The following PLXNA2 variants were observed in gnomAD, a reference collection of about 807,000 sequenced individuals.
The protein encoded by PLXNA2 is plexin A2.
PLXNA2 carries 91 observed loss-of-function variants against 193.5 expected under a neutral mutation model. The observed-to-expected ratio is 0.47, with a 90% confidence interval of 0.40 to 0.56. PLXNA2 has a LOEUF of 0.56. Among genes scored for constraint, PLXNA2 ranks in the 20% least tolerant of loss-of-function variants. The pLI is 0.00. For missense variants in PLXNA2, 1,995 were observed against 2,503.2 expected, an observed-to-expected ratio of 0.80 and a Z score of 4.33; for synonymous variants, 997 against 1,027.3, an observed-to-expected ratio of 0.97 and a Z score of 0.56.
intron 12 of PLXNA2, among the ~76,000 whole-genome samples, chr1:208,065,250 A>G (rs1407698207): frequency 2.0e-5 from 3 of 152,202 alleles, no homozygotes; most frequent in Non-Finnish European, 2.9e-5. Context: ...AGATAGCTCT[A>G]TGCTGCTGGC....
chr1:208,058,378 G>A (rs1665509349), intron 13 of PLXNA2, among the ~76,000 whole-genome samples: 1 of 152,232 alleles, frequency 6.6e-6, no homozygotes, highest in African/African-American at 2.4e-5. Flanking sequence ...TAATTGCTGA[G>A]TGATAGATGG....
At position 208,079,384 on chromosome 1, in the gene PLXNA2, A is replaced by T. The variant is rs1362547367; in HGVS notation, c.2462T>A (p.Phe821Tyr). 6.2e-7 allele frequency: 1 copy of T among 1,613,672 alleles called. No individual in the cohort carries two copies. Among genetic ancestry groups the T allele is most frequent in the African/African-American group, 1.3e-5 (1 of 74,906 alleles). The change falls in exon 12 of 32, where the codon TTT (phenylalanine) becomes TAT (tyrosine). Residue 821 changes from phenylalanine to tyrosine, a missense_variant. This residue lies in a region of PLXNA2 where 1,291 missense variants were observed against 1,673.6 expected (regional missense o/e 0.77). Transcript: ENST00000367033. ...CGLCLKADRK[F>Y]ECGWCSGERR... ...CTCGCCGCTGCACCAGCCACACTCA[A>T]ACTTCCGGTCGGCCTTGAGGCAGAG... is the stretch of plus-strand genomic sequence containing the variant.
chr1:208,054,606 C>A, intron 13 of PLXNA2, 68 bp from the exon 14 acceptor site: 1 of 1,058,380 alleles, frequency 9.4e-7, no homozygotes, highest in Non-Finnish European at 1.5e-6. Flanking sequence ...ACTTGCTCTC[C>A]CAGTCATGGC....
chr1:208,157,348 T>A (rs1668969403), intron 3 of PLXNA2, among the ~76,000 whole-genome samples: 1 of 152,358 alleles, frequency 6.6e-6, no homozygotes, highest in East Asian at 1.9e-4. Context: ...TTATTGTAAG[T>A]CATCTTAATT....
chr1:208,188,095 G>A (rs983180982), intron 3 of PLXNA2, among the ~76,000 whole-genome samples: 6 of 152,168 alleles, frequency 3.9e-5, no homozygotes, highest in African/African-American at 1.4e-4. Context: ...ATATTTATGA[G>A]AATGGAGCCC....
chr1:208,153,228 C>G (rs1668826574), intron 3 of PLXNA2, among the ~76,000 whole-genome samples: 1 of 152,144 alleles, frequency 6.6e-6, no homozygotes, highest in South Asian at 2.1e-4. Flanking sequence ...AGGCTTTATG[C>G]ACATTTTCTC....
chr1:208,141,136 T>G (rs867905487), intron 4 of PLXNA2, among the ~76,000 whole-genome samples: 1 of 152,216 alleles, frequency 6.6e-6, no homozygotes, highest in African/African-American at 2.4e-5. Context: ...CTGGATATAA[T>G]TGGCATGCAA....
chr1:208,208,988 G>A (rs555806357), intron 3 of PLXNA2, among the ~76,000 whole-genome samples: 41 of 152,270 alleles, frequency 2.7e-4, no homozygotes, highest in African/African-American at 9.6e-4. Flanking sequence ...ATTTCACACA[G>A]CAACTCCTTC....
At chr1:208,048,583 C>A (rs987191434) in intron 17 of PLXNA2, among the ~76,000 whole-genome samples, 1 of 152,128 alleles carries the variant, frequency 6.6e-6, no homozygotes, top group East Asian at 1.9e-4. Flanking sequence ...CTGGAGGAAG[C>A]GCTGAGAACA....
chr1:208,180,001 C>T (rs993783027), intron 3 of PLXNA2, among the ~76,000 whole-genome samples: 3 of 152,144 alleles, frequency 2.0e-5, no homozygotes, highest in African/African-American at 7.2e-5. Flanking sequence ...AGCCCTGGGT[C>T]TCTCCCCTCT....
chr1:208,240,897 G>C (rs530727378), intron 1 of PLXNA2, among the ~76,000 whole-genome samples: 2 of 152,220 alleles, frequency 1.3e-5, no homozygotes, highest in Non-Finnish European at 2.9e-5. Context: ...GTGGTGGTGG[G>C]GAGGTGCTGC....
intron 26 of PLXNA2, among the ~76,000 whole-genome samples, chr1:208,037,657 G>A (rs1304976769): frequency 1.3e-5 from 2 of 152,088 alleles, no homozygotes; most frequent in African/African-American, 2.4e-5. Flanking sequence ...CCCCAGCTGC[G>A]AGTGGTTACC....
intron 3 of PLXNA2, among the ~76,000 whole-genome samples, chr1:208,199,451 G>T (rs1670466824): frequency 6.6e-6 from 1 of 152,202 alleles, no homozygotes; most frequent in Non-Finnish European, 1.5e-5. Context: ...CCAGCACTTT[G>T]GGGGGCCAAG....
chr1:208,136,068 A>G (rs1267005513), intron 4 of PLXNA2, among the ~76,000 whole-genome samples: 2 of 152,174 alleles, frequency 1.3e-5, no homozygotes, highest in East Asian at 3.8e-4. Context: ...CACTGTGGTC[A>G]ACAGTCCCAA....
chr1:208,022,978 C>G lies in PLXNA2; in HGVS notation c.*4265G>C, dbSNP rs1664229747. On this transcript the variant is annotated 3_prime_UTR_variant, in exon 32 of 32. Transcript: ENST00000367033. ...ATACCAAGAGTGAAACTTTATCCCT[C>G]ATTCATGGGGATCACTGAGCTCCAG... The G allele has an allele frequency of 6.6e-6, 1 of 152,164 alleles. No homozygotes were observed. The highest frequency in any genetic ancestry group is 2.4e-5 in the African/African-American group (1 of 41,452). 9.4% of individuals were successfully genotyped at this position (152,164 alleles called of 1,614,324 possible). A position where few individuals can be genotyped will look rare whatever the true frequency, so the allele number is the denominator to read the frequency against.
chr1:208,039,037 A>G (rs1664769039), intron 24 of PLXNA2, 53 bp from the exon 25 acceptor site: 2 of 1,552,134 alleles, frequency 1.3e-6, no homozygotes, highest in Admixed American at 1.7e-5. Flanking sequence ...GAGTAGTTTG[A>G]GGGAGAGGGT....
At chr1:208,049,717 T>C (rs984504791) in intron 17 of PLXNA2, among the ~76,000 whole-genome samples, 5 of 152,206 alleles carry the variant, frequency 3.3e-5, no homozygotes, top group African/African-American at 1.2e-4. Context: ...TGCTACACAA[T>C]GAAGGGGTTG....
intron 6 of PLXNA2, 128 bp from the exon 7 acceptor site, chr1:208,097,011 G>T: frequency 1.4e-6 from 1 of 732,640 alleles, no homozygotes; most frequent in Non-Finnish European, 2.2e-6. Flanking sequence ...AAGGATGTTG[G>T]TCTAAGTGGT....
chr1:208,086,948 A>ACTCTCTCTCTCTCGCTCT (rs1666544295), intron 9 of PLXNA2, among the ~76,000 whole-genome samples: 1 of 134,596 alleles, frequency 7.4e-6, no homozygotes, highest in Non-Finnish European at 1.6e-5. Context: ...TCTCTCTCGC[A>ACTCTCTCTCTCTCGCTCT]CTCTCTCTCT....
Sources: gnomAD v4.1 joint callset for allele counts (sites outside exome capture counted in the v4.1 genomes callset) on GRCh38, gnomAD v4.1.1 for gene constraint, gnomAD v4.1.1 regional missense constraint, MANE v1.5 for transcripts, NCBI Gene and HGNC (gene_info 2026-07-23, HGNC 2026-07-21) for gene names.